Variants in PALM2AKAP2 observed in about 807,000 individuals in gnomAD.
PALM2AKAP2 encodes the protein PALM2-AKAP2 fusion protein.
A neutral mutation model predicts 71.5 loss-of-function variants in PALM2AKAP2; 37 were observed. The ratio of observed to expected loss-of-function variants is 0.52; its 90% CI spans 0.40 to 0.68. The LOEUF (loss-of-function observed/expected upper bound fraction) is 0.68, where lower values mean the gene tolerates loss of function less well. PALM2AKAP2 is among the 30% of genes least tolerant of loss of function. PALM2AKAP2 has a pLI of 0.00. For missense variants in PALM2AKAP2, 1,224 were observed against 1,191.8 expected (o/e 1.03, Z -0.40); for synonymous variants, 468 against 478.8 (o/e 0.98, Z 0.29).
intron 2 of PALM2AKAP2, among the ~76,000 whole-genome samples, chr9:109,875,945 G>T (rs1423425900): frequency 6.6e-6 from 1 of 152,254 alleles, no homozygotes; most frequent in Admixed American, 6.5e-5. Context: ...CTCCTTCCTT[G>T]TATTGACTTG....
chr9:109,768,009 G>GAGGGAGAA (rs1387659937), intron 1 of PALM2AKAP2, among the ~76,000 whole-genome samples: 1 of 150,430 alleles, frequency 6.6e-6, no homozygotes, highest in African/African-American at 2.5e-5. Context: ...AGGCAGGTAG[G>GAGGGAGAA]TAGGAAGAAA....
At chr9:109,863,259 G>A (rs1276714808) in intron 1 of PALM2AKAP2, among the ~76,000 whole-genome samples, 1 of 152,110 alleles carries the variant, frequency 6.6e-6, no homozygotes, top group East Asian at 1.9e-4. Flanking sequence ...GGAGGGTTAA[G>A]GCAATACTCA....
At chr9:110,100,002 A>ATATATATG (rs1834952685) in intron 1 of PALM2AKAP2, among the ~76,000 whole-genome samples, 1 of 131,876 alleles carries the variant, frequency 7.6e-6, no homozygotes, top group South Asian at 2.3e-4. Context: ...TAACATGCAT[A>ATATATATG]TATATATGTG....
intron 1 of PALM2AKAP2, among the ~76,000 whole-genome samples, chr9:109,861,751 A>G (rs1204853742): frequency 1.3e-5 from 2 of 152,202 alleles, no homozygotes; most frequent in African/African-American, 4.8e-5. Context: ...CTTTCCTCAT[A>G]TGCATAGCAA....
At chr9:110,129,943 T>A (rs1159247673) in intron 1 of PALM2AKAP2, among the ~76,000 whole-genome samples, 1 of 152,210 alleles carries the variant, frequency 6.6e-6, no homozygotes, top group Non-Finnish European at 1.5e-5. Context: ...TCAACTAAAA[T>A]TCACATGTAA....
At chr9:109,818,043 G>T (rs924117216) in intron 1 of PALM2AKAP2, among the ~76,000 whole-genome samples, 5 of 152,200 alleles carry the variant, frequency 3.3e-5, no homozygotes, top group Non-Finnish European at 5.9e-5. Context: ...GCTGTCTGAG[G>T]ACATAAGGGA....
At chr9:110,031,478 G>A (rs745770933) in intron 7 of PALM2AKAP2, among the ~76,000 whole-genome samples, 14 of 152,190 alleles carry the variant, frequency 9.2e-5, no homozygotes, top group African/African-American at 2.2e-4. Flanking sequence ...AGTGAAATTC[G>A]GTTTAATAAA....
chr9:109,795,986 G>C (rs1041622766), intron 1 of PALM2AKAP2, among the ~76,000 whole-genome samples: 3 of 152,188 alleles, frequency 2.0e-5, no homozygotes, highest in African/African-American at 7.2e-5. Context: ...TGTCTCTCCT[G>C]CCTGACTGTA....
intron 3 of PALM2AKAP2, among the ~76,000 whole-genome samples, chr9:109,911,707 C>T (rs1281315745): frequency 3.9e-5 from 6 of 152,152 alleles, no homozygotes; most frequent in African/African-American, 7.2e-5. Context: ...ACTATAGAAT[C>T]CTTTAGAAGC....
chr9:110,158,885 A>T (rs1836528760), intron 3 of PALM2AKAP2, among the ~76,000 whole-genome samples: 1 of 152,174 alleles, frequency 6.6e-6, no homozygotes, highest in Non-Finnish European at 1.5e-5. Context: ...AGAGACCCAA[A>T]TCTAAAACAA....
intron 1 of PALM2AKAP2, among the ~76,000 whole-genome samples, chr9:110,074,272 A>C (rs1242644034): frequency 1.3e-5 from 2 of 152,214 alleles, no homozygotes; most frequent in Non-Finnish European, 2.9e-5. Flanking sequence ...GGATCCCTTG[A>C]GGCCAGGAGT....
intron 1 of PALM2AKAP2, among the ~76,000 whole-genome samples, chr9:109,768,797 T>C (rs1275268796): frequency 6.6e-6 from 1 of 152,164 alleles, no homozygotes; most frequent in African/African-American, 2.4e-5. Flanking sequence ...AATTCAGTAA[T>C]ATAGTCAGCA....
intron 3 of PALM2AKAP2, among the ~76,000 whole-genome samples, chr9:109,894,596 G>A (rs1158333943): frequency 6.6e-6 from 1 of 152,188 alleles, no homozygotes; most frequent in Non-Finnish European, 1.5e-5. Context: ...TTACTGAATA[G>A]GGTAGAGACA....
At chr9:109,861,242 C>G (rs1829300054) in intron 1 of PALM2AKAP2, among the ~76,000 whole-genome samples, 1 of 152,200 alleles carries the variant, frequency 6.6e-6, no homozygotes, top group Admixed American at 6.5e-5. Context: ...ACAGCCACAG[C>G]CTGGCATCTC....
At chr9:109,657,045 C>T (rs1361169931) in intron 1 of PALM2AKAP2, among the ~76,000 whole-genome samples, 1 of 152,186 alleles carries the variant, frequency 6.6e-6, no homozygotes, top group East Asian at 1.9e-4. Flanking sequence ...GTTACATTGC[C>T]TTGTGGCTAA....
At chr9:109,980,633 G>C (rs1832253139) in intron 6 of PALM2AKAP2, among the ~76,000 whole-genome samples, 1 of 152,154 alleles carries the variant, frequency 6.6e-6, no homozygotes, top group South Asian at 2.1e-4. Flanking sequence ...TCTCACTCCA[G>C]AATACTGAAT....
intron 1 of PALM2AKAP2, among the ~76,000 whole-genome samples, chr9:109,804,153 C>T (rs991223641): frequency 2.6e-5 from 4 of 152,200 alleles, no homozygotes; most frequent in Admixed American, 2.6e-4. Context: ...CAGAGATCAT[C>T]ACCTGCCTGG....
intron 1 of PALM2AKAP2, among the ~76,000 whole-genome samples, chr9:109,796,487 A>G (rs1220094503): frequency 2.0e-5 from 3 of 152,248 alleles, no homozygotes; most frequent in African/African-American, 4.8e-5. Context: ...AATGTTATAT[A>G]AAAAGTCTGT....
At position 110,147,720 on chromosome 9, in the gene PALM2AKAP2, T is replaced by C. The variant is rs78778925; in HGVS notation, c.2570-8599T>C. 5.0e-3 allele frequency among the ~76,000 whole-genome samples: 756 copies of C among 152,262 alleles called. 12 individuals carry two copies. The highest frequency in any genetic ancestry group is 0.017 in the African/African-American group (713 of 41,528). On this transcript the variant is annotated intron_variant, in intron 2 of 3. Coordinates refer to ENST00000374525, the Ensembl canonical transcript of PALM2AKAP2. Reference sequence around the variant, plus strand: ...TTGAGTTCAACGCTGCTGTGAGCTATGGTCATGCCGCTGAACTCCAGTCTG... The same window carrying C: ...TTGAGTTCAACGCTGCTGTGAGCTACGGTCATGCCGCTGAACTCCAGTCTG...
Sources: gnomAD v4.1 joint callset for allele counts (sites outside exome capture counted in the v4.1 genomes callset) on GRCh38, gnomAD v4.1.1 for gene constraint, MANE v1.5 for transcripts, NCBI Gene and HGNC (gene_info 2026-07-23, HGNC 2026-07-21) for gene names.